Variants in LDLRAD4 observed in about 807,000 individuals in gnomAD.
LDLRAD4 encodes low-density lipoprotein receptor class A domain-containing protein 4.
LDLRAD4 carries 5 observed loss-of-function variants against 17.0 expected under a neutral mutation model. The observed-to-expected ratio is 0.29, with a 90% CI of 0.15 to 0.62. LDLRAD4 has a LOEUF of 0.62. LDLRAD4 is among the 20% of genes least tolerant of loss of function. The probability of loss-of-function intolerance (pLI) is 0.84; values close to 1 mark genes in which losing one functional copy is unlikely to be tolerated. For missense variants in LDLRAD4, 340 were observed against 424.7 expected (o/e 0.80, Z 1.75); for synonymous variants, 168 against 171.8 (o/e 0.98, Z 0.17).
chr18:13,533,597 G>T (rs2094160197), intron 3 of LDLRAD4, among the ~76,000 whole-genome samples: 1 of 152,138 alleles, frequency 6.6e-6, no homozygotes. Flanking sequence ...TACTCCAGTT[G>T]CCCATTACCA....
At chr18:13,484,946 T>C (rs1296330898) in intron 3 of LDLRAD4, among the ~76,000 whole-genome samples, 8 of 152,216 alleles carry the variant, frequency 5.3e-5, no homozygotes, top group African/African-American at 1.4e-4. Flanking sequence ...AGAATATAAT[T>C]TGTATTTCTG....
At chr18:13,585,314 A>G (rs1022268949) in intron 3 of LDLRAD4, 3 of 152,212 alleles carry the variant, frequency 2.0e-5, no homozygotes, top group Non-Finnish European at 2.9e-5. Context: ...AGCTGCATGA[A>G]TTTATCTTCG....
At chr18:13,247,073 C>T (rs1487751168) in intron 1 of LDLRAD4, among the ~76,000 whole-genome samples, 4 of 152,124 alleles carry the variant, frequency 2.6e-5, no homozygotes, top group Middle Eastern at 3.4e-3. Context: ...GAAACATATC[C>T]GTTCTCACCA....
chr18:13,223,100 C>A (rs1195060523), intron 1 of LDLRAD4, among the ~76,000 whole-genome samples: 1 of 152,168 alleles, frequency 6.6e-6, no homozygotes, highest in African/African-American at 2.4e-5. Context: ...TAGTTGTTTG[C>A]GGACACACAG....
intron 4 of LDLRAD4, among the ~76,000 whole-genome samples, chr18:13,628,091 C>T (rs1386500956): frequency 6.6e-6 from 1 of 152,216 alleles, no homozygotes; most frequent in East Asian, 1.9e-4. Context: ...GCAGGGGTTT[C>T]AGCGCCACAC....
chr18:13,283,364 C>T (rs1236825089), intron 1 of LDLRAD4, among the ~76,000 whole-genome samples: 1 of 152,222 alleles, frequency 6.6e-6, no homozygotes, highest in East Asian at 1.9e-4. Context: ...ATGCCTTTAA[C>T]AGCACCCAAG....
intron 1 of LDLRAD4, among the ~76,000 whole-genome samples, chr18:13,254,444 C>A (rs973765893): frequency 6.6e-6 from 1 of 152,164 alleles, no homozygotes; most frequent in Non-Finnish European, 1.5e-5. Flanking sequence ...CCTGGCCCAG[C>A]TGAGCAGGGC....
At chr18:13,644,000 C>T (rs1048503095) in intron 5 of LDLRAD4, among the ~76,000 whole-genome samples, 1 of 152,126 alleles carries the variant, frequency 6.6e-6, no homozygotes, top group African/African-American at 2.4e-5. Context: ...AAGAAATGTA[C>T]TACCTGGATT....
At chr18:13,384,614 T>C (rs1325530927) in intron 1 of LDLRAD4, among the ~76,000 whole-genome samples, 2 of 152,190 alleles carry the variant, frequency 1.3e-5, no homozygotes, top group African/African-American at 4.8e-5. Context: ...CTACCCTCCT[T>C]CTGTGAGATT....
chr18:13,399,143 G>T (rs1483685436), intron 2 of LDLRAD4, among the ~76,000 whole-genome samples: 2 of 152,086 alleles, frequency 1.3e-5, no homozygotes, highest in Non-Finnish European at 2.9e-5. Context: ...GCTGCAGTGA[G>T]CTGTGGTCAC....
intron 3 of LDLRAD4, among the ~76,000 whole-genome samples, chr18:13,594,686 A>AAAAAAAAAAAAAAAAC (rs2095072358): frequency 6.7e-6 from 1 of 149,390 alleles, no homozygotes; most frequent in African/African-American, 2.5e-5. Context: ...AAAAAAAAAA[A>AAAAAAAAAAAAAAAAC]AAAGAAACAG....
chr18:13,233,445 A>G (rs550206477), intron 1 of LDLRAD4, among the ~76,000 whole-genome samples: 1 of 152,286 alleles, frequency 6.6e-6, no homozygotes, highest in East Asian at 1.9e-4. Flanking sequence ...GCACCCTCTT[A>G]TTGGAAATAT....
rs111663198 is a variant in LDLRAD4, at chr18:13,367,053, C to T, written c.-382-20288C>T. On this transcript the variant is annotated intron_variant, in intron 1 of 5. Transcript: ENST00000359446. This position sits in a 1 kb window ranked among gnomAD's most constrained non-coding sequence, Gnocchi z 4.1. ...CCAAATGGGCTTTTTACAGGAAGTA[C>T]GTTTCAGCATCAGGTCAGTTTACTC... 2.6e-5 allele frequency among the ~76,000 whole-genome samples: 4 copies of T among 152,246 alleles called. No individual in the cohort carries two copies. Among genetic ancestry groups the T allele is most frequent in the East Asian group, 1.9e-4 (1 of 5,182 alleles).
intron 3 of LDLRAD4, among the ~76,000 whole-genome samples, chr18:13,442,307 G>T (rs1160634340): frequency 6.6e-6 from 1 of 152,168 alleles, no homozygotes; most frequent in Non-Finnish European, 1.5e-5. Flanking sequence ...CAGGGAGTGA[G>T]GGCCGAGCGG....
intron 1 of LDLRAD4, among the ~76,000 whole-genome samples, chr18:13,348,984 T>C (rs2082877973): frequency 6.6e-6 from 1 of 152,162 alleles, no homozygotes; most frequent in East Asian, 1.9e-4. Flanking sequence ...CCCCTTTCCT[T>C]GACTAGGAAA....
At chr18:13,495,109 A>C (rs1334412194) in intron 3 of LDLRAD4, among the ~76,000 whole-genome samples, 1 of 152,154 alleles carries the variant, frequency 6.6e-6, no homozygotes, top group Non-Finnish European at 1.5e-5. Flanking sequence ...CTGAATATAC[A>C]TATATGGGAC....
intron 3 of LDLRAD4, among the ~76,000 whole-genome samples, chr18:13,457,166 A>G (rs754783971): frequency 1.3e-5 from 2 of 152,224 alleles, no homozygotes; most frequent in East Asian, 3.8e-4. Context: ...GGAATTTCTG[A>G]CCGACTGGCT....
At chr18:13,286,599 C>T (rs1351824403) in intron 1 of LDLRAD4, among the ~76,000 whole-genome samples, 1 of 152,252 alleles carries the variant, frequency 6.6e-6, no homozygotes, top group Non-Finnish European at 1.5e-5. Context: ...CCTCGACCTC[C>T]TGGCGCCATG....
intron 4 of LDLRAD4, 28 bp from the exon 6 acceptor site, chr18:13,643,331 C>G: frequency 6.9e-7 from 1 of 1,448,444 alleles, no homozygotes; most frequent in East Asian, 2.8e-5. Context: ...CTTGTTCCCC[C>G]CACTCTCCTC....
Sources: allele counts gnomAD v4.1 joint callset (sites outside exome capture counted in the v4.1 genomes callset), GRCh38; gene constraint gnomAD v4.1.1; non-coding constraint Gnocchi (gnomAD v3.1); transcripts MANE v1.5; gene names NCBI Gene and HGNC (gene_info 2026-07-23, HGNC 2026-07-21).